MAGI3: variants seen among roughly 807,000 people sequenced by gnomAD.
MAGI3 encodes the protein membrane-associated guanylate kinase, WW and PDZ domain-containing protein 3.
MAGI3 carries 43 observed loss-of-function variants against 121.8 expected under a neutral mutation model. The observed-to-expected ratio is 0.35, with a 90% CI of 0.28 to 0.46. The LOEUF (loss-of-function observed/expected upper bound fraction) is 0.46, where lower values mean the gene tolerates loss of function less well. MAGI3 is among the 20% of genes least tolerant of loss of function. The pLI is 1.00. For synonymous variants in MAGI3, 553 were observed against 639.3 expected (o/e 0.86, Z 2.04); for missense variants, 1,547 against 1,797.3 (o/e 0.86, Z 2.52).
intron 4 of MAGI3, among the ~76,000 whole-genome samples, chr1:113,587,648 G>T: frequency 6.6e-6 from 1 of 152,088 alleles, no homozygotes; most frequent in East Asian, 1.9e-4. Flanking sequence ...AGTTAAAATG[G>T]TCATGTACAA....
At chr1:113,674,827 G>A (rs1039780998) in intron 19 of MAGI3, among the ~76,000 whole-genome samples, 2 of 152,138 alleles carry the variant, frequency 1.3e-5, no homozygotes, top group Non-Finnish European at 2.9e-5. Context: ...CCCTCAAAAT[G>A]ACCAGACACA....
chr1:113,461,663 G>A (rs557147029), intron 1 of MAGI3, among the ~76,000 whole-genome samples: 2 of 152,180 alleles, frequency 1.3e-5, no homozygotes, highest in East Asian at 1.9e-4. Context: ...CATAGAACCG[G>A]CAAAGATTTT....
At chr1:113,515,374 G>A (rs6685909) in intron 1 of MAGI3, among the ~76,000 whole-genome samples, 119,934 of 151,986 alleles carry the variant, frequency 0.79, 47,777 homozygotes, top group African/African-American at 0.91. Flanking sequence ...ACTAGGAAAT[G>A]AATTTTTACT....
At chr1:113,673,871 C>G (rs1472973755) in intron 19 of MAGI3, among the ~76,000 whole-genome samples, 4 of 152,030 alleles carry the variant, frequency 2.6e-5, no homozygotes, top group Non-Finnish European at 5.9e-5. Context: ...TTTTTTTCCC[C>G]ACTCTTAGCT....
At chr1:113,429,551 G>T (rs1196885442) in intron 1 of MAGI3, among the ~76,000 whole-genome samples, 3 of 152,134 alleles carry the variant, frequency 2.0e-5, no homozygotes, top group African/African-American at 7.2e-5. Context: ...CTGATTGCTT[G>T]TGAAGGTGAC....
chr1:113,427,408 T>G (rs1653065278), intron 1 of MAGI3, among the ~76,000 whole-genome samples: 4 of 152,216 alleles, frequency 2.6e-5, no homozygotes, highest in Admixed American at 2.6e-4. Context: ...TGGCTGCTTA[T>G]TAGCAAGCTT....
At chr1:113,594,735 T>G (rs913839450) in intron 6 of MAGI3, among the ~76,000 whole-genome samples, 175 bp downstream of exon 6, 1 of 152,230 alleles carries the variant, frequency 6.6e-6, no homozygotes, top group Non-Finnish European at 1.5e-5. Flanking sequence ...TACATCTAAC[T>G]TTATGAGAGA....
At chr1:113,588,228 TG>T (rs1648494675) in intron 4 of MAGI3, among the ~76,000 whole-genome samples, 1 of 152,122 alleles carries the variant, frequency 6.6e-6, no homozygotes, top group Non-Finnish European at 1.5e-5. Flanking sequence ...TCAGGATATC[TG>T]GGAGAAGAGC....
Position 113,585,593 on chromosome 1 carries a change from G to C in MAGI3, c.760G>C (p.Ala254Pro). Reference sequence around the variant, plus strand: ...GGAAGCTATTAATGGCAGTGGAAACGCAGGTTTGTAAATAGATGAACAACT... The same window carrying C: ...GGAAGCTATTAATGGCAGTGGAAACCCAGGTTTGTAAATAGATGAACAACT... ...DKEAINGSGN[A>P]ENRERHSESS... The change falls in exon 4 of 21, where the codon GCA becomes CCA. Residue 254 changes from alanine to proline, a missense_variant. Physicochemically the swap from Ala to Pro is conservative, Grantham distance 27. Coordinates refer to ENST00000307546, the MANE Select transcript of MAGI3 (RefSeq NM_001142782.2). 2 of 1,611,758 alleles carry C rather than the reference G, an allele frequency of 1.2e-6. No individual in the cohort carries two copies. The highest frequency in any genetic ancestry group is 1.7e-6 in the Non-Finnish European group (2 of 1,178,510).
intron 1 of MAGI3, among the ~76,000 whole-genome samples, chr1:113,517,443 T>A (rs1657985113): frequency 6.6e-6 from 1 of 151,996 alleles, no homozygotes; most frequent in Non-Finnish European, 1.5e-5. Context: ...AAAAGTATAT[T>A]TCATTTTTGT....
At chr1:113,437,864 C>CTTCTTCTTCTTCTTCTTCTTCT (rs1557757106) in intron 1 of MAGI3, among the ~76,000 whole-genome samples, 2 of 56,004 alleles carry the variant, frequency 3.6e-5, no homozygotes, top group Non-Finnish European at 6.5e-5. Flanking sequence ...CTTCTTCTTC[C>CTTCTTCTTCTTCTTCTTCTTCT]TCTTCTTCTT....
At chr1:113,612,317 C>T (rs1405378846) in intron 6 of MAGI3, among the ~76,000 whole-genome samples, 4 of 152,068 alleles carry the variant, frequency 2.6e-5, no homozygotes, top group Non-Finnish European at 4.4e-5. Flanking sequence ...CCTCTGCACT[C>T]CCCAAAAAAG....
intron 16 of MAGI3, among the ~76,000 whole-genome samples, chr1:113,669,084 C>T (rs1260110884): frequency 6.6e-6 from 1 of 152,144 alleles, no homozygotes; most frequent in Non-Finnish European, 1.5e-5. Flanking sequence ...TGCAAAGGTA[C>T]AAGTATCTCC....
intron 1 of MAGI3, among the ~76,000 whole-genome samples, chr1:113,486,958 G>A (rs890602211): frequency 6.6e-6 from 1 of 152,120 alleles, no homozygotes; most frequent in Non-Finnish European, 1.5e-5. Flanking sequence ...CAATACTCCT[G>A]CCTTGACTTT....
At chr1:113,625,532 G>A (rs1302402147) in intron 9 of MAGI3, among the ~76,000 whole-genome samples, 2 of 152,034 alleles carry the variant, frequency 1.3e-5, no homozygotes, top group Admixed American at 1.3e-4. Context: ...ACTGATTTTT[G>A]TATGTCGCTT....
At chr1:113,626,731 T>C (rs945165163) in intron 9 of MAGI3, among the ~76,000 whole-genome samples, 2 of 152,206 alleles carry the variant, frequency 1.3e-5, no homozygotes, top group Non-Finnish European at 2.9e-5. Flanking sequence ...TTCCAATTTG[T>C]TGGCATATAG....
At chr1:113,661,282 A>G (rs1653774054) in intron 16 of MAGI3, among the ~76,000 whole-genome samples, 1 of 152,190 alleles carries the variant, frequency 6.6e-6, no homozygotes, top group African/African-American at 2.4e-5. Context: ...CTCACTTCCC[A>G]AGGAAATAAT....
chr1:113,470,190 C>G (rs551648740), intron 1 of MAGI3, among the ~76,000 whole-genome samples: 6 of 151,366 alleles, frequency 4.0e-5, no homozygotes, highest in African/African-American at 1.5e-4. Flanking sequence ...TTCTCTCTTG[C>G]TTGCTCAGTC....
chr1:113,644,919 T>C (rs1167150448), intron 11 of MAGI3, among the ~76,000 whole-genome samples: 2 of 152,084 alleles, frequency 1.3e-5, no homozygotes, highest in Non-Finnish European at 2.9e-5. Context: ...CCATAAACTA[T>C]AGACAATTAT....
Sources: gnomAD v4.1 joint callset for allele counts (sites outside exome capture counted in the v4.1 genomes callset) on GRCh38, gnomAD v4.1.1 for gene constraint, MANE v1.5 for transcripts, NCBI Gene and HGNC (gene_info 2026-07-23, HGNC 2026-07-21) for gene names.